Variants in GGPS1 observed in about 807,000 individuals in gnomAD.
GGPS1 encodes geranylgeranyl pyrophosphate synthase.
A neutral mutation model predicts 28.1 loss-of-function variants in GGPS1; 15 were observed. That is an observed-to-expected ratio of 0.53 (90% CI 0.36 to 0.82). The LOEUF is 0.82. Among genes scored for constraint, GGPS1 ranks in the 40% least tolerant of loss-of-function variants. The pLI is 0.01. For synonymous variants in GGPS1, 138 were observed against 122.4 expected, an observed-to-expected ratio of 1.13 and a Z score of -0.84; for missense variants, 284 against 348.3, an observed-to-expected ratio of 0.82 and a Z score of 1.47.
upstream of GGPS1, chr1:235,327,551 C>G (rs988459015): frequency 6.6e-6 from 1 of 152,200 alleles, no homozygotes; most frequent in Admixed American, 6.5e-5. Context: ...CCCGGGCCCC[C>G]GACCGCGGCC....
At chr1:235,338,724 A>T (rs955327359) in intron 2 of GGPS1, among the ~76,000 whole-genome samples, 2 of 151,648 alleles carry the variant, frequency 1.3e-5, no homozygotes, top group African/African-American at 4.8e-5. Flanking sequence ...ATAAATAAAT[A>T]AAAATAAAAT....
chr1:235,342,215 A>T lies in GGPS1; in HGVS notation c.346A>T (p.Thr116Ser). The change falls in exon 4 of 4, where the codon ACC becomes TCC. Residue 116 changes from threonine (T) to serine (S), a missense_variant. Physicochemically the swap from Thr to Ser is moderately conservative, Grantham distance 58. Transcript: ENST00000282841. ...TCACCCAGATGCAGTGAAGCTTTTTACCCGCCAGCTTTTGGAACTCCATCA... is the reference window on the plus strand; with the variant it reads ...TCACCCAGATGCAGTGAAGCTTTTTTCCCGCCAGCTTTTGGAACTCCATCA... ...LDHPDAVKLF[T>S]RQLLELHQGQ... The T allele has an allele frequency of 6.2e-7, 1 of 1,613,960 alleles. No individual in the cohort carries two copies. The highest frequency in any genetic ancestry group is 1.1e-5 in the South Asian group (1 of 91,048).
rs987255562 is a variant in GGPS1, at chr1:235,344,047, A to G, written c.*1275A>G. The G allele has an allele frequency of 2.4e-5, 4 of 166,696 alleles. No homozygotes were observed. In the Admixed American group the frequency reaches 2.6e-4, roughly 11 times the overall value. 10.3% of individuals were successfully genotyped at this position (166,696 alleles called of 1,614,324 possible). On this transcript the variant is annotated 3_prime_UTR_variant, in exon 4 of 4. Coordinates refer to ENST00000282841, the MANE Select transcript of GGPS1 (RefSeq NM_004837.4). ...GAAAAGTAACCAAAGGCTTAATATCAAACACTAATTAGCTTTTTAGTGCCT... is the reference window on the plus strand; with the variant it reads ...GAAAAGTAACCAAAGGCTTAATATCGAACACTAATTAGCTTTTTAGTGCCT...
intron 2 of GGPS1, among the ~76,000 whole-genome samples, chr1:235,338,346 C>T (rs1675927311): frequency 6.6e-6 from 1 of 151,436 alleles, no homozygotes; most frequent in East Asian, 1.9e-4. Context: ...CACACCACTG[C>T]ACCCCAGCCT....
intron 2 of GGPS1, 57 bp downstream of exon 2, chr1:235,335,391 A>C (rs1251269466): frequency 5.2e-6 from 4 of 773,234 alleles, no homozygotes; most frequent in Non-Finnish European, 8.8e-6. Flanking sequence ...TGGTCGTTCA[A>C]ATGTTAGCAA....
At chr1:235,329,657 T>G (rs12044028) in intron 1 of GGPS1, 42,918 of 152,054 alleles carry the variant, frequency 0.28, 7,032 homozygotes, top group South Asian at 0.52. Context: ...CCTGGAGAGA[T>G]GGGATGAGGG....
intron 2 of GGPS1, among the ~76,000 whole-genome samples, chr1:235,339,428 G>A (rs1407760828): frequency 6.7e-6 from 1 of 149,432 alleles, no homozygotes; most frequent in African/African-American, 2.5e-5. Context: ...AGCCAAGATC[G>A]TGCCATTGCT....
chr1:235,341,115 G>A (rs1025052935), intron 2 of GGPS1, among the ~76,000 whole-genome samples: 6 of 152,072 alleles, frequency 3.9e-5, no homozygotes, highest in Admixed American at 1.3e-4. Flanking sequence ...GTATCGCTTG[G>A]GCTCAGGAAT....
chr1:235,339,873 TTA>T (rs1491259756), intron 2 of GGPS1, among the ~76,000 whole-genome samples: 4 of 152,196 alleles, frequency 2.6e-5, no homozygotes, highest in Non-Finnish European at 5.9e-5. Context: ...AGCAGAAAAC[TTA>T]TAGAACATTT....
rs142138814 is a variant in GGPS1 at position 235,334,496 on chromosome 1, A to C, written c.-23-746A>C. On this transcript the variant is annotated intron_variant, in intron 1 of 3. Transcript: ENST00000282841. Reference sequence around the variant, plus strand: ...ACCCATTTAAAGTGTACATTTCAGCAGTTTTTAGTGTATTCACAGGGCTGT... The same window carrying C: ...ACCCATTTAAAGTGTACATTTCAGCCGTTTTTAGTGTATTCACAGGGCTGT... Among the ~76,000 whole-genome samples, 447 of 152,330 alleles carry C rather than the reference A, an allele frequency of 2.9e-3. 2 individuals are homozygous for C. The highest frequency in any genetic ancestry group is 0.027 in the Middle Eastern group (8 of 294).
At chr1:235,336,554 G>A (rs1429265839) in intron 2 of GGPS1, among the ~76,000 whole-genome samples, 2 of 152,178 alleles carry the variant, frequency 1.3e-5, no homozygotes, top group African/African-American at 4.8e-5. Context: ...AGCACTTTGG[G>A]AAGCCAAGGC....
At chr1:235,338,005 C>A (rs1675918399) in intron 2 of GGPS1, among the ~76,000 whole-genome samples, 1 of 151,878 alleles carries the variant, frequency 6.6e-6, no homozygotes, top group South Asian at 2.1e-4. Flanking sequence ...AAAAGAGAGA[C>A]AATAATGTTT....
In GGPS1 at chr1:235,342,742, A is replaced by G. The variant is rs1465194401; in HGVS notation, c.873A>G (p.Leu291=). The change falls in exon 4 of 4, where the codon TTA becomes TTG. Residue 291 remains leucine (L), a synonymous_variant. Transcript: ENST00000282841. ...AGCTAGTAGCCTTAGTAAAACACTT[A>G]AGTAAGATGTTCAAAGAAGAAAATG... ...NPELVALVKH[L]SKMFKEENE is the part of the protein sequence containing the mutation. 2 of 1,587,998 alleles carry G rather than the reference A, an allele frequency of 1.3e-6. No homozygotes were observed. The highest frequency in any genetic ancestry group is 1.9e-5 in the Admixed American group (1 of 53,608).
At chr1:235,334,404 G>A (rs1469615986) in intron 1 of GGPS1, among the ~76,000 whole-genome samples, 2 of 152,146 alleles carry the variant, frequency 1.3e-5, no homozygotes, top group Non-Finnish European at 2.9e-5. Context: ...TAAAAACCAA[G>A]ACAACACTTT....
chr1:235,334,419 A>G (rs996923981), intron 1 of GGPS1, among the ~76,000 whole-genome samples: 9 of 152,238 alleles, frequency 5.9e-5, no homozygotes, highest in African/African-American at 2.2e-4. Context: ...CACTTTGACC[A>G]ATATAATCAC....
chr1:235,342,117 A>G lies in GGPS1; in HGVS notation c.248A>G (p.Tyr83Cys), dbSNP rs1189539695. 1.9e-5 allele frequency: 31 copies of G among 1,613,922 alleles called. No homozygotes were observed. The highest frequency in any genetic ancestry group is 2.4e-5 in the Non-Finnish European group (28 of 1,179,892). ...GGCTTTCCAGTGGCCCACAGCATCT[A>G]TGGAATCCCATCTGTCATCAATTCT... ...RRGFPVAHSI[Y>C]GIPSVINSAN... is the part of the protein sequence containing the mutation. Residue 83 changes from tyrosine to cysteine, a missense_variant, in exon 4 of 4, where the codon TAT (tyrosine) becomes TGT (cysteine). By Grantham distance (194) the Tyr-to-Cys change is radical. Coordinates refer to ENST00000282841, the MANE Select transcript of GGPS1 (RefSeq NM_004837.4).
chr1:235,336,000 T>C (rs902986739), intron 2 of GGPS1, among the ~76,000 whole-genome samples: 1 of 152,260 alleles, frequency 6.6e-6, no homozygotes, highest in Non-Finnish European at 1.5e-5. Context: ...TATTTGGAAA[T>C]ATAGCCCACT....
intron 1 of GGPS1, chr1:235,329,696 A>T (rs1376970824): frequency 6.6e-6 from 1 of 152,266 alleles, no homozygotes; most frequent in South Asian, 2.1e-4. Flanking sequence ...GGCTTTGTAA[A>T]GGAGTTTTGG....
At chr1:235,332,371 A>G (rs1038986597) in intron 1 of GGPS1, among the ~76,000 whole-genome samples, 1 of 152,224 alleles carries the variant, frequency 6.6e-6, no homozygotes, top group Non-Finnish European at 1.5e-5. Flanking sequence ...AGGGCTATCC[A>G]TCCATTTTGC....
Sources: allele counts gnomAD v4.1 joint callset (sites outside exome capture counted in the v4.1 genomes callset), GRCh38; gene constraint gnomAD v4.1.1; transcripts MANE v1.5; gene names NCBI Gene and HGNC (gene_info 2026-07-23, HGNC 2026-07-21).